Variants in MSH3 observed in about 807,000 individuals in gnomAD.
MSH3 encodes the protein DNA mismatch repair protein Msh3.
Under a neutral mutation model 123.3 loss-of-function variants are expected in MSH3, and 106 were observed. The observed-to-expected ratio is 0.86, with a 90% CI of 0.73 to 1.01. The LOEUF (loss-of-function observed/expected upper bound fraction) is 1.01, where lower values mean the gene tolerates loss of function less well. Ranked by LOEUF, MSH3 falls within the 50% of genes least tolerant of loss-of-function variation. The pLI, the probability that MSH3 is intolerant of heterozygous loss-of-function variation, is 0.00. For synonymous variants in MSH3, 515 were observed against 481.4 expected (o/e 1.07, Z -0.91); for missense variants, 1,459 against 1,347.6 (o/e 1.08, Z -1.29).
rs998995072 is a variant in MSH3 at position 80,740,290 on chromosome 5, G to A, written c.1569-1174G>A. Among the ~76,000 whole-genome samples, 11 of 151,996 alleles carry A rather than the reference G, an allele frequency of 7.2e-5. 1 individual carries two copies. Among genetic ancestry groups the A allele is most frequent in the Admixed American group, 7.2e-4 (11 of 15,268 alleles). On this transcript the variant is annotated intron_variant, in intron 10 of 23. Coordinates refer to ENST00000265081, the MANE Select transcript of MSH3 (RefSeq NM_002439.5). ...AGGAGAGTGTGAATGCTTTAACTCA[G>A]TTTAAGGAAATAACAGTGTTTTATA...
At position 80,678,995 on chromosome 5, in the gene MSH3, A is replaced by G. The variant is rs1749904223; in HGVS notation, c.1242A>G (p.Leu414=). 2 of 1,614,180 alleles carry G rather than the reference A, an allele frequency of 1.2e-6. No individual in the cohort carries two copies. The highest frequency in any genetic ancestry group is 1.1e-5 in the South Asian group (1 of 91,084). Residue 414 remains leucine (L), a synonymous_variant, in exon 8 of 24, where the codon CTA becomes CTG. Coordinates refer to ENST00000265081, the MANE Select transcript of MSH3 (RefSeq NM_002439.5). The part of the protein sequence containing the change: ...SFQDSASRSE[L]ETRMSSLQPV... Reference sequence around the variant, plus strand: ...AGGACTCTGCTTCTCGTTCAGAGCTAGAAACCCGGATGTCAAGCCTGCAGC... The same window carrying G: ...AGGACTCTGCTTCTCGTTCAGAGCTGGAAACCCGGATGTCAAGCCTGCAGC...
chr5:80,776,385 G>C (rs548694537), intron 16 of MSH3, among the ~76,000 whole-genome samples: 2 of 152,262 alleles, frequency 1.3e-5, no homozygotes, highest in South Asian at 4.1e-4. Context: ...TAATTTAGTT[G>C]CTTTTACTTC....
chr5:80,831,954 A>C (rs1194195413), intron 20 of MSH3, among the ~76,000 whole-genome samples: 1 of 150,350 alleles, frequency 6.7e-6, no homozygotes, highest in Non-Finnish European at 1.5e-5. Context: ...TAAAAATACA[A>C]AAAAATTAGC....
intron 10 of MSH3, among the ~76,000 whole-genome samples, chr5:80,737,564 T>G (rs1006312441): frequency 6.6e-6 from 1 of 152,212 alleles, no homozygotes; most frequent in African/African-American, 2.4e-5. Context: ...CACATAGAAT[T>G]TGTCTTCTTC....
intron 8 of MSH3, among the ~76,000 whole-genome samples, chr5:80,721,949 C>T (rs1002997317): frequency 1.3e-5 from 2 of 152,066 alleles, no homozygotes; most frequent in East Asian, 3.8e-4. Context: ...TACCACATTA[C>T]TGTCTGTTGT....
At chr5:80,727,356 A>G (rs1743321784) in intron 9 of MSH3, among the ~76,000 whole-genome samples, 1 of 152,248 alleles carries the variant, frequency 6.6e-6, no homozygotes, top group African/African-American at 2.4e-5. Context: ...AAACACCTAT[A>G]GTTAAAATTA....
At chr5:80,841,151 C>T (rs889630783) in intron 20 of MSH3, among the ~76,000 whole-genome samples, 2 of 152,020 alleles carry the variant, frequency 1.3e-5, no homozygotes, top group African/African-American at 2.4e-5. Flanking sequence ...TGAGAACATG[C>T]AGTGTTTGAT....
At chr5:80,841,873 A>G (rs1745631361) in intron 20 of MSH3, among the ~76,000 whole-genome samples, 3 of 152,186 alleles carry the variant, frequency 2.0e-5, no homozygotes. Context: ...CACTCTGATG[A>G]CAGTTTCTTT....
rs1488822467 is a variant in MSH3 at position 80,654,899 on chromosome 5, G to GCAGCGGCCGCAGCGCCCC, written c.178_195dup (p.Ala60_Ala65dup). Reference sequence around the variant, plus strand: ...TGGCGCTGCAGCGGCTGCAGCGGCCGCAGCGGCCGCAGCGCCCCCAGCGCC... The same window carrying GCAGCGGCCGCAGCGCCCC: ...TGGCGCTGCAGCGGCTGCAGCGGCCGCAGCGGCCGCAGCGCCCCCAGCGGCCGCAGCGCCCCCAGCGCC... On this transcript the variant is annotated inframe_insertion, in exon 1 of 24. Transcript: ENST00000265081. 21 of 1,474,788 alleles carry GCAGCGGCCGCAGCGCCCC rather than the reference G, an allele frequency of 1.4e-5. No individual in the cohort carries two copies. Among genetic ancestry groups the GCAGCGGCCGCAGCGCCCC allele is most frequent in the African/African-American group, 8.7e-5 (4 of 46,016 alleles). The allele number at this position is 1,474,788 out of a possible 1,614,324, so 91.4% of individuals were successfully genotyped here.
At chr5:80,866,435 A>G (rs245337) in intron 22 of MSH3, among the ~76,000 whole-genome samples, 131,402 of 152,218 alleles carry the variant, frequency 0.86, 56,815 homozygotes, top group East Asian at 1. Context: ...TACCTTGCCT[A>G]GCTGATTTTA....
chr5:80,660,681 G>T (rs557197681), intron 2 of MSH3, among the ~76,000 whole-genome samples: 1 of 152,012 alleles, frequency 6.6e-6, no homozygotes, highest in South Asian at 2.1e-4. Context: ...AATTATAGAG[G>T]GTTGTCTTTT....
intron 12 of MSH3, among the ~76,000 whole-genome samples, chr5:80,755,754 T>C (rs1368851726): frequency 2.0e-5 from 3 of 152,194 alleles, no homozygotes; most frequent in Non-Finnish European, 4.4e-5. Flanking sequence ...GGGGTTCAAC[T>C]GCCTTGTGGG....
intron 8 of MSH3, among the ~76,000 whole-genome samples, chr5:80,684,545 ATTTG>A (rs1306673054): frequency 2.0e-5 from 3 of 152,274 alleles, no homozygotes; most frequent in Non-Finnish European, 4.4e-5. Flanking sequence ...ACTTTACTGA[ATTTG>A]TTTGATCAGT....
At chr5:80,814,138 A>G (rs1371603674) in intron 20 of MSH3, among the ~76,000 whole-genome samples, 1 of 151,898 alleles carries the variant, frequency 6.6e-6, no homozygotes. Context: ...AGAAAAAAAA[A>G]AAAACAAAAA....
rs181682089 is a variant in MSH3, at chr5:80,720,216, A to G, written c.1341-5237A>G. On this transcript the variant is annotated intron_variant, in intron 8 of 23. Transcript: ENST00000265081. Reference sequence around the variant, plus strand: ...AAACAACTTGTCATTTTGGCTGGAAATAATTTTACTAGATTACTTACTGTG... The same window carrying G: ...AAACAACTTGTCATTTTGGCTGGAAGTAATTTTACTAGATTACTTACTGTG... Among the ~76,000 whole-genome samples, 279 of 152,242 alleles carry G rather than the reference A, an allele frequency of 1.8e-3. 2 individuals are homozygous for G. Among genetic ancestry groups the G allele is most frequent in the African/African-American group, 6.4e-3 (265 of 41,536 alleles).
At chr5:80,715,894 G>A (rs375298459) in intron 8 of MSH3, among the ~76,000 whole-genome samples, 3 of 152,204 alleles carry the variant, frequency 2.0e-5, no homozygotes, top group South Asian at 4.1e-4. Flanking sequence ...AATTTGATAC[G>A]AGATTTGGGC....
At chr5:80,860,185 A>T (rs561455937) in intron 21 of MSH3, among the ~76,000 whole-genome samples, 3 of 152,298 alleles carry the variant, frequency 2.0e-5, no homozygotes, top group African/African-American at 7.2e-5. Flanking sequence ...GTTATGCTAG[A>T]TCCACTAAAA....
intron 6 of MSH3, 36 bp from the exon 7 acceptor site, chr5:80,674,947 T>A (rs1423817026): frequency 3.5e-6 from 5 of 1,443,552 alleles, no homozygotes; most frequent in Non-Finnish European, 4.8e-6. Context: ...GGATTTAGAA[T>A]TTAGCATATA....
At chr5:80,865,151 C>T (rs1341593647) in intron 22 of MSH3, among the ~76,000 whole-genome samples, 1 of 152,102 alleles carries the variant, frequency 6.6e-6, no homozygotes, top group Non-Finnish European at 1.5e-5. Context: ...TCTGGTCTTC[C>T]TTGTCTCATT....
Sources: gnomAD v4.1 joint callset for allele counts (sites outside exome capture counted in the v4.1 genomes callset) on GRCh38, gnomAD v4.1.1 for gene constraint, MANE v1.5 for transcripts, NCBI Gene and HGNC (gene_info 2026-07-23, HGNC 2026-07-21) for gene names.